Variants in FAM9C observed in about 807,000 individuals in gnomAD.
The protein encoded by FAM9C is family with sequence similarity 9 member C.
Under a neutral mutation model 14.8 loss-of-function variants are expected in FAM9C, and 15 were observed. The observed-to-expected ratio is 1.02, with a 90% CI of 0.68 to 1.56. The LOEUF is 1.56. Among genes scored for constraint, FAM9C ranks in the 40% most tolerant of loss-of-function variants. The pLI is 0.00. For missense variants in FAM9C, 116 were observed against 118.0 expected (o/e 0.98, Z 0.08); for synonymous variants, 45 against 37.5 (o/e 1.20, Z -0.74).
chrX:13,036,528 A>C (rs750239331), intron 7 of FAM9C: 1 of 111,993 alleles, frequency 8.9e-6, no homozygotes, highest in South Asian at 3.7e-4. Context: ...TGGTAGTCTT[A>C]GATCATGAAA....
In FAM9C at chrX:13,039,836, T is replaced by C; in HGVS notation, c.410A>G (p.Glu137Gly). 1 of 1,208,049 alleles carries C rather than the reference T, an allele frequency of 8.3e-7. No individual in the cohort carries two copies. Among genetic ancestry groups the C allele is most frequent in the Non-Finnish European group, 1.1e-6 (1 of 894,306 alleles). The change falls in exon 6 of 8, where the codon GAA becomes GGA. Residue 137 changes from glutamate (E) to glycine (G), a missense_variant. Coordinates refer to ENST00000380625, the MANE Select transcript of FAM9C (RefSeq NM_174901.6). ...TTGTTCTTCCTTTTCTCCATCTCCT[T>C]CCTCATCTTTCTGCTCATCTGTGAT... ...EFITDEQKDE[E>G]GDGEKEEQIK...
intron 4 of FAM9C, chrX:13,041,715 TA>T (rs1282801388): frequency 8.9e-6 from 1 of 112,639 alleles, no homozygotes; most frequent in Non-Finnish European, 1.9e-5. Context: ...TTTAAATAGA[TA>T]AATACATTCA....
At chrX:13,042,864 G>C (rs1251685964) in intron 4 of FAM9C, 54 bp downstream of exon 4, 2 of 1,164,597 alleles carry the variant, frequency 1.7e-6, no homozygotes, top group African/African-American at 3.5e-5. Flanking sequence ...CTACTGTAAG[G>C]GTTGTATGGT....
chrX:13,043,080 T>C (rs1174260610), intron 3 of FAM9C, 48 bp downstream of exon 3: 1 of 1,184,238 alleles, frequency 8.4e-7, no homozygotes, highest in Non-Finnish European at 1.1e-6. Context: ...AAGCTGACTT[T>C]TCCTAAAAGA....
chrX:13,042,806 G>T, intron 4 of FAM9C, 112 bp downstream of exon 4: 1 of 803,427 alleles, frequency 1.2e-6, no homozygotes, highest in South Asian at 2.2e-5. Context: ...TGCTATATAT[G>T]AGAAGAAGGC....
chrX:13,041,177 CTT>C (rs951045006), intron 4 of FAM9C: 174 of 106,259 alleles, frequency 1.6e-3, no homozygotes, highest in Middle Eastern at 4.3e-3. Flanking sequence ...ACTTTAATTT[CTT>C]TTTTTTTTTT....
intron 5 of FAM9C, among the ~76,000 whole-genome samples, 190 bp from the exon 6 acceptor site, chrX:13,040,106 T>C (rs1180426374): frequency 8.9e-6 from 1 of 112,342 alleles, no homozygotes; most frequent in Non-Finnish European, 1.9e-5. Flanking sequence ...CCTAACTGAC[T>C]ACTAGAGCAG....
At chrX:13,041,501 T>G (rs946890840) in intron 4 of FAM9C, 4 of 111,893 alleles carry the variant, frequency 3.6e-5, no homozygotes, top group African/African-American at 1.3e-4. Flanking sequence ...ATTTATAAAA[T>G]GTCCTACAAT....
Position 13,043,151 on chromosome X carries a change from A to G in FAM9C, c.159T>C (p.Phe53=), listed in dbSNP as rs2043542090. Residue 53 remains phenylalanine (F), a synonymous_variant, in exon 3 of 8, where the codon TTT becomes TTC. Coordinates refer to ENST00000380625, the MANE Select transcript of FAM9C (RefSeq NM_174901.6). ...ACCCCGTGTGTTCATCTGTTTCAGCAAAAGATCCTCTTTCCCCATGCTCAT... is the reference window on the plus strand; with the variant it reads ...ACCCCGTGTGTTCATCTGTTTCAGCGAAAGATCCTCTTTCCCCATGCTCAT... ...VTDEHGERGS[F]AETDEHTGVD... is the part of the protein sequence containing the mutation. 3 of 1,209,948 alleles carry G rather than the reference A, an allele frequency of 2.5e-6. No homozygotes were observed. The highest frequency in any genetic ancestry group is 1.8e-5 in the South Asian group (1 of 56,298).
chrX:13,044,142 C>G (rs749373068), intron 1 of FAM9C, among the ~76,000 whole-genome samples: 1 of 111,907 alleles, frequency 8.9e-6, no homozygotes, highest in East Asian at 2.9e-4. Flanking sequence ...GTCGGGAGGG[C>G]CGCGGGGTGA....
At chrX:13,039,721 T>C in intron 6 of FAM9C, 87 bp downstream of exon 6, 1 of 1,129,879 alleles carries the variant, frequency 8.9e-7, no homozygotes. Context: ...CATGCTCTCT[T>C]CCTTCTTTGC....
At chrX:13,040,612 AACTT>A in intron 5 of FAM9C, 142 bp downstream of exon 5, 1 of 381,512 alleles carries the variant, frequency 2.6e-6, no homozygotes, top group Non-Finnish European at 4.3e-6. Flanking sequence ...AAACTAAAGA[AACTT>A]ACCTGTTTAG....
At position 13,039,889 on chromosome X, in the gene FAM9C, C is replaced by T; in HGVS notation, c.357G>A (p.Leu119=). 4 of 1,208,236 alleles carry T rather than the reference C, an allele frequency of 3.3e-6. No individual in the cohort carries two copies. The highest frequency in any genetic ancestry group is 4.5e-6 in the Non-Finnish European group (4 of 893,810). ...KRQKRDYRIS[L]KLPNVLEEFI... is the part of the protein sequence containing the mutation. ...ACTCTTCAAGGACATTCGGCAACTT[C>T]AGAGAAATTCTATAATCACGTTTCT... is the stretch of plus-strand genomic sequence containing the variant. The change falls in exon 6 of 8, where the codon CTG becomes CTA. Residue 119 remains leucine, a synonymous_variant. Transcript: ENST00000380625.
intron 3 of FAM9C, 59 bp downstream of exon 3, chrX:13,043,069 A>G: frequency 1.7e-6 from 2 of 1,182,972 alleles, no homozygotes; most frequent in Non-Finnish European, 1.1e-6. Flanking sequence ...GACATGATCC[A>G]AAGCTGACTT....
rs766932630 is a variant in FAM9C, at chrX:13,040,909, T to C, written c.215-37A>G. ...ATGAATATGCATTAAATGTTCATGTTGAAAAGTAGTTTCTTTGCATATATT... is the reference window on the plus strand; with the variant it reads ...ATGAATATGCATTAAATGTTCATGTCGAAAAGTAGTTTCTTTGCATATATT... On this transcript the variant is annotated intron_variant, in intron 4 of 7. Transcript: ENST00000380625. 9.2e-6 allele frequency: 8 copies of C among 866,080 alleles called. No individual in the cohort carries two copies. The Admixed American group carries it at 1.4e-4, about 15-fold the overall frequency. 71.4% of individuals were successfully genotyped at this position (866,080 alleles called of 1,213,427 possible). A position where few individuals can be genotyped will look rare whatever the true frequency, so the allele number is the denominator to read the frequency against.
At chrX:13,040,692 T>C in intron 5 of FAM9C, 66 bp downstream of exon 5, 2 of 787,123 alleles carry the variant, frequency 2.5e-6, no homozygotes, top group Non-Finnish European at 1.8e-6. Context: ...TTCTGGAAAT[T>C]ATTTGCACCA....
chrX:13,040,878 TAGTAAATGAATATGCATTA>T lies in FAM9C; in HGVS notation c.215-25_215-7del. The T allele has an allele frequency of 9.2e-7, 1 of 1,090,924 alleles. No homozygotes were observed. Among genetic ancestry groups the T allele is most frequent in the Non-Finnish European group, 1.2e-6 (1 of 810,087 alleles). 89.9% of individuals were successfully genotyped at this position (1,090,924 alleles called of 1,213,427 possible). A position where few individuals can be genotyped will look rare whatever the true frequency, so the allele number is the denominator to read the frequency against. On this transcript the variant is annotated splice_region_variant and splice_polypyrimidine_tract_variant and intron_variant, in intron 4 of 7. Transcript: ENST00000380625. ...AAGATGCTCTTTAATGTCAGCTAGA[TAGTAAATGAATATGCATTA>T]AATGTTCATGTTGAAAAGTAGTTTC...
At chrX:13,039,504 T>C (rs1372903192) in intron 6 of FAM9C, among the ~76,000 whole-genome samples, 1 of 111,726 alleles carries the variant, frequency 9.0e-6, no homozygotes, top group African/African-American at 3.3e-5. Context: ...CTCTATGCCC[T>C]GTCCAACTCT....
Position 13,043,169 on chromosome X carries a change from A to G in FAM9C, c.141T>C (p.His47=), listed in dbSNP as rs2043542356. 6.6e-6 allele frequency: 8 copies of G among 1,209,538 alleles called. No homozygotes were observed. Among genetic ancestry groups the G allele is most frequent in the Non-Finnish European group, 8.9e-6 (8 of 895,032 alleles). The change falls in exon 3 of 8, where the codon CAT becomes CAC. Residue 47 remains histidine (H), a synonymous_variant. Coordinates refer to ENST00000380625, the MANE Select transcript of FAM9C (RefSeq NM_174901.6). ...ETKEGDVTDE[H]GERGSFAETD... ...TTTCAGCAAAAGATCCTCTTTCCCC[A>G]TGCTCATCAGTTACATCTCCCTCCT...
Sources: allele counts gnomAD v4.1 joint callset (sites outside exome capture counted in the v4.1 genomes callset), GRCh38; gene constraint gnomAD v4.1.1; transcripts MANE v1.5; gene names NCBI Gene and HGNC (gene_info 2026-07-23, HGNC 2026-07-21).